The following RGS21 variants were observed in gnomAD, a reference collection of about 807,000 sequenced individuals.
RGS21 encodes the protein regulator of G-protein signalling 21.
Under a neutral mutation model 18.7 loss-of-function variants are expected in RGS21, and 19 were observed. The ratio of observed to expected loss-of-function variants is 1.01; its 90% CI spans 0.71 to 1.49. RGS21 has a LOEUF of 1.49. Among genes scored for constraint, RGS21 ranks in the 40% most tolerant of loss-of-function variants. The pLI is 0.00. For missense variants in RGS21, 194 were observed against 176.8 expected (o/e 1.10, Z -0.55); for synonymous variants, 56 against 57.8 (o/e 0.97, Z 0.14).
Position 192,366,087 on chromosome 1 carries a change from A to G in RGS21, c.422A>G (p.Gln141Arg). ...EIYKKLVNSQ[Q>R]VPNHKKWLPF... ...TATAAAAAACTGGTAAATAGCCAAC[A>G]GGTTCCAAATCATAAAAAATGGCTC... Residue 141 changes from glutamine (Q) to arginine (R), a missense_variant, in exon 5 of 5, where the codon CAG becomes CGG. Physicochemically the swap from Gln to Arg is conservative, Grantham distance 43. Coordinates refer to ENST00000417209, the MANE Select transcript of RGS21 (RefSeq NM_001039152.3). 4 of 1,611,440 alleles carry G rather than the reference A, an allele frequency of 2.5e-6. No homozygotes were observed. Among genetic ancestry groups the G allele is most frequent in the Non-Finnish European group, 3.4e-6 (4 of 1,178,606 alleles).
chr1:192,363,146 G>A (rs1659210046), intron 4 of RGS21, among the ~76,000 whole-genome samples: 1 of 152,084 alleles, frequency 6.6e-6, no homozygotes. Flanking sequence ...GGAATACAGG[G>A]CACACATAAA....
chr1:192,322,205 A>G (rs910441246), intron 1 of RGS21, among the ~76,000 whole-genome samples: 11 of 152,128 alleles, frequency 7.2e-5, no homozygotes, highest in African/African-American at 2.7e-4. Context: ...ATTCATTTGA[A>G]TATAGAAGCA....
intron 2 of RGS21, among the ~76,000 whole-genome samples, chr1:192,346,232 G>C (rs1008499999): frequency 6.6e-6 from 1 of 152,040 alleles, no homozygotes; most frequent in African/African-American, 2.4e-5. Context: ...AACTGCATCA[G>C]TAGAGGAAGT....
intron 1 of RGS21, among the ~76,000 whole-genome samples, chr1:192,341,933 T>C (rs1658868698): frequency 1.3e-5 from 2 of 152,020 alleles, no homozygotes. Context: ...CCTAAGAACA[T>C]TACTTAATGG....
chr1:192,353,971 T>C (rs1055446804), intron 4 of RGS21, among the ~76,000 whole-genome samples: 11 of 151,638 alleles, frequency 7.3e-5, no homozygotes, highest in South Asian at 2.1e-4. Context: ...CCCATGTTTA[T>C]ATATACATAT....
chr1:192,336,871 G>GA (rs1240243718), intron 1 of RGS21, among the ~76,000 whole-genome samples: 9 of 151,918 alleles, frequency 5.9e-5, no homozygotes, highest in Admixed American at 4.6e-4. Context: ...TGAGTTGAGG[G>GA]AAAAAATAGT....
intron 4 of RGS21, among the ~76,000 whole-genome samples, chr1:192,359,767 T>C (rs1324596458): frequency 3.1e-5 from 4 of 127,578 alleles, no homozygotes; most frequent in African/African-American, 1.1e-4. Flanking sequence ...TATATGTAAC[T>C]TTCTCTCTCT....
At chr1:192,336,770 T>G (rs1055462984) in intron 1 of RGS21, among the ~76,000 whole-genome samples, 3 of 151,786 alleles carry the variant, frequency 2.0e-5, no homozygotes, top group African/African-American at 4.8e-5. Context: ...GTTTACAAGT[T>G]AAGGGTTAAA....
chr1:192,347,405 T>C lies in RGS21; in HGVS notation c.88+16T>C. The C allele has an allele frequency of 1.6e-6, 2 of 1,215,814 alleles. No individual in the cohort carries two copies. Among genetic ancestry groups the C allele is most frequent in the South Asian group, 2.5e-5 (2 of 80,262 alleles). 75.3% of individuals were successfully genotyped at this position (1,215,814 alleles called of 1,614,324 possible). ...GCCAACCAAGGTAAGATTTAACTAA[T>C]AATAGGCTTAAAATACAATAATTAA... is the stretch of plus-strand genomic sequence containing the variant. On this transcript the variant is annotated intron_variant, in intron 3 of 4. Transcript: ENST00000417209.
At chr1:192,328,710 G>T (rs1177696234) in intron 1 of RGS21, among the ~76,000 whole-genome samples, 1 of 152,170 alleles carries the variant, frequency 6.6e-6, no homozygotes, top group Non-Finnish European at 1.5e-5. Context: ...TCATTTCTAA[G>T]AATTTACATT....
At chr1:192,328,166 T>C (rs1196541091) in intron 1 of RGS21, among the ~76,000 whole-genome samples, 1 of 152,184 alleles carries the variant, frequency 6.6e-6, no homozygotes, top group Non-Finnish European at 1.5e-5. Flanking sequence ...ATTGATCCTT[T>C]AACTGTATTC....
intron 1 of RGS21, among the ~76,000 whole-genome samples, chr1:192,334,090 T>C (rs926811127): frequency 2.6e-5 from 4 of 152,340 alleles, no homozygotes; most frequent in Non-Finnish European, 5.9e-5. Context: ...AAAAGATGTA[T>C]ATATAGCATT....
chr1:192,340,117 C>T (rs1205277867), intron 1 of RGS21, among the ~76,000 whole-genome samples: 2 of 151,922 alleles, frequency 1.3e-5, no homozygotes, highest in African/African-American at 4.8e-5. Context: ...TATATTCCTC[C>T]AGCACCTATG....
chr1:192,345,216 A>G (rs1658929189), intron 2 of RGS21, among the ~76,000 whole-genome samples: 1 of 152,106 alleles, frequency 6.6e-6, no homozygotes, highest in East Asian at 1.9e-4. Flanking sequence ...TCCTTAAAGG[A>G]CACTGCCTTC....
chr1:192,333,302 A>ACACACACT (rs1370923700), intron 1 of RGS21, among the ~76,000 whole-genome samples: 6 of 151,386 alleles, frequency 4.0e-5, no homozygotes, highest in Non-Finnish European at 7.4e-5. Flanking sequence ...ACACACACAC[A>ACACACACT]CTTACCATAG....
chr1:192,347,010 G>C (rs1305387604), intron 2 of RGS21, among the ~76,000 whole-genome samples: 3 of 152,052 alleles, frequency 2.0e-5, no homozygotes, highest in Admixed American at 1.3e-4. Flanking sequence ...ACTCATAGTT[G>C]AAAAGAAATT....
rs147111471 is a variant in RGS21 at position 192,345,376 on chromosome 1, C to T, written c.12-1937C>T. 1.3e-4 allele frequency among the ~76,000 whole-genome samples: 20 copies of T among 152,152 alleles called. No individual in the cohort carries two copies. In the East Asian group the frequency reaches 3.7e-3, roughly 28 times the overall value. Reference sequence around the variant, plus strand: ...TTGAAGCTAATACAATTTAGCTACACTTTTCAATACTTTTTATCACTGTAA... The same window carrying T: ...TTGAAGCTAATACAATTTAGCTACATTTTTCAATACTTTTTATCACTGTAA... On this transcript the variant is annotated intron_variant, in intron 2 of 4. Coordinates refer to ENST00000417209, the MANE Select transcript of RGS21 (RefSeq NM_001039152.3).
At chr1:192,351,849 T>G (rs550273713) in intron 3 of RGS21, among the ~76,000 whole-genome samples, 198 bp from the exon 4 acceptor site, 5 of 149,232 alleles carry the variant, frequency 3.4e-5, no homozygotes, top group Non-Finnish European at 4.5e-5. Context: ...ATATATATGC[T>G]CTATATATGT....
chr1:192,336,966 T>C (rs972225562), intron 1 of RGS21, among the ~76,000 whole-genome samples: 15 of 152,162 alleles, frequency 9.9e-5, no homozygotes, highest in Non-Finnish European at 2.1e-4. Flanking sequence ...TTATTCATAG[T>C]TGAAATGTGG....
Sources: allele counts gnomAD v4.1 joint callset (sites outside exome capture counted in the v4.1 genomes callset), GRCh38; gene constraint gnomAD v4.1.1; transcripts MANE v1.5; gene names NCBI Gene and HGNC (gene_info 2026-07-23, HGNC 2026-07-21).